The following PRICKLE2 variants were observed in gnomAD, a reference collection of about 807,000 sequenced individuals.
PRICKLE2 encodes prickle planar cell polarity protein 2.
A neutral mutation model predicts 81.4 loss-of-function variants in PRICKLE2; 21 were observed. The observed-to-expected ratio is 0.26, with a 90% CI of 0.18 to 0.37. The LOEUF (loss-of-function observed/expected upper bound fraction) is 0.37. PRICKLE2 is among the 10% of genes least tolerant of loss of function. The pLI is 1.00. For missense variants in PRICKLE2, 940 were observed against 1,109.0 expected, an observed-to-expected ratio of 0.85 and a Z score of 2.16; for synonymous variants, 456 against 421.5, an observed-to-expected ratio of 1.08 and a Z score of -1.00.
intron 2 of PRICKLE2, among the ~76,000 whole-genome samples, chr3:64,176,913 C>T (rs539971694): frequency 3.3e-5 from 5 of 152,066 alleles, no homozygotes; most frequent in African/African-American, 7.2e-5. Context: ...TCTTGGCCTG[C>T]GGGTTATAGT....
At chr3:64,155,232 C>T (rs192008274) in intron 5 of PRICKLE2, among the ~76,000 whole-genome samples, 3 of 140,992 alleles carry the variant, frequency 2.1e-5, no homozygotes, top group African/African-American at 7.8e-5. Flanking sequence ...TTTTTTCAGA[C>T]ATTTCTCTGA....
chr3:64,183,746 A>T (rs11914551), intron 2 of PRICKLE2, among the ~76,000 whole-genome samples: 6,369 of 152,296 alleles, frequency 0.042, 429 homozygotes, highest in African/African-American at 0.14. Flanking sequence ...CATCTTTACA[A>T]TCCAAATGGG....
chr3:64,259,549 T>C (rs2107188342), intron 2 of PRICKLE2, among the ~76,000 whole-genome samples: 1 of 152,340 alleles, frequency 6.6e-6, no homozygotes, highest in East Asian at 1.9e-4. Flanking sequence ...TATATGTCCA[T>C]GTCCTGATCC....
At chr3:64,240,697 G>A (rs6788403) in intron 2 of PRICKLE2, among the ~76,000 whole-genome samples, 1,856 of 152,286 alleles carry the variant, frequency 0.012, 28 homozygotes, top group African/African-American at 0.041. Flanking sequence ...TCCTGGACCA[G>A]CAGCCTCAGT....
chr3:64,246,794 G>T (rs980732309), intron 2 of PRICKLE2, among the ~76,000 whole-genome samples: 7 of 152,170 alleles, frequency 4.6e-5, no homozygotes, highest in African/African-American at 1.4e-4. Flanking sequence ...ACAGCCAAAG[G>T]TTTTACTTTC....
chr3:64,247,403 A>T (rs922758779), intron 2 of PRICKLE2, among the ~76,000 whole-genome samples: 5 of 152,150 alleles, frequency 3.3e-5, no homozygotes, highest in South Asian at 2.1e-4. Context: ...AAGTATTCTG[A>T]TCTTAAAAGA....
chr3:64,201,226 G>A (rs1353229330), intron 1 of PRICKLE2, among the ~76,000 whole-genome samples: 2 of 152,144 alleles, frequency 1.3e-5, no homozygotes, highest in Non-Finnish European at 2.9e-5. Flanking sequence ...ACCACGCCTG[G>A]CCAAAGTTTT....
At chr3:64,139,769 T>C (rs1422680210) in intron 7 of PRICKLE2, among the ~76,000 whole-genome samples, 1 of 152,196 alleles carries the variant, frequency 6.6e-6, no homozygotes, top group Non-Finnish European at 1.5e-5. Flanking sequence ...CACCCAGCCA[T>C]AGGACCTTCT....
At chr3:64,258,979 C>T (rs2079575785) in intron 2 of PRICKLE2, among the ~76,000 whole-genome samples, 2 of 151,842 alleles carry the variant, frequency 1.3e-5, no homozygotes, top group South Asian at 4.2e-4. Flanking sequence ...ATTCTGTGTG[C>T]TGGTAACACT....
chr3:64,191,189 T>C (rs900749132), intron 2 of PRICKLE2, among the ~76,000 whole-genome samples: 1 of 152,186 alleles, frequency 6.6e-6, no homozygotes, highest in Non-Finnish European at 1.5e-5. Flanking sequence ...CTAGGATTGC[T>C]ACAAACCCTA....
At position 64,147,239 on chromosome 3, in the gene PRICKLE2, C is replaced by G; in HGVS notation, c.1251G>C (p.Gln417His). The change falls in exon 7 of 8, where the codon CAG becomes CAC. Residue 417 changes from glutamine to histidine, a missense_variant. By Grantham distance (24) the Gln-to-His change is conservative (BLOSUM62 0). This residue lies in a region of PRICKLE2 where 670 missense variants were observed against 717.2 expected (regional missense o/e 0.93). Coordinates refer to ENST00000638394, the MANE Select transcript of PRICKLE2 (RefSeq NM_198859.4). This position sits in a 1 kb window ranked among gnomAD's most constrained non-coding sequence, Gnocchi z 5.0. ...MEQNQTQSPL[Q>H]LLSQCNIRTS... ...TTCTGATGTTGCACTGGCTGAGGAG[C>G]TGCAGAGGGCTCTGGGTCTGGTTCT... is the stretch of plus-strand genomic sequence containing the variant. 6.2e-7 allele frequency: 1 copy of G among 1,608,710 alleles called. No homozygotes were observed. Among genetic ancestry groups the G allele is most frequent in the Non-Finnish European group, 8.5e-7 (1 of 1,176,618 alleles).
intron 7 of PRICKLE2, among the ~76,000 whole-genome samples, chr3:64,117,134 T>C (rs1056954593): frequency 2.0e-5 from 3 of 152,226 alleles, no homozygotes; most frequent in Non-Finnish European, 4.4e-5. Flanking sequence ...GAAAAGGATT[T>C]TGATAAAATT....
intron 2 of PRICKLE2, among the ~76,000 whole-genome samples, chr3:64,189,993 G>A (rs2078303241): frequency 6.6e-6 from 1 of 152,112 alleles, no homozygotes; most frequent in South Asian, 2.1e-4. Context: ...GGCAAGCACC[G>A]AGCACTGCAT....
At chr3:64,146,642 C>T (rs938402808) in intron 7 of PRICKLE2, 188 bp downstream of exon 7, 26 of 618,740 alleles carry the variant, frequency 4.2e-5, no homozygotes, top group Non-Finnish European at 5.8e-5. Flanking sequence ...ACTCGTGAGG[C>T]TGAGGCAGGA....
chr3:64,217,270 T>C (rs1055286432), intron 1 of PRICKLE2, among the ~76,000 whole-genome samples: 3 of 152,144 alleles, frequency 2.0e-5, no homozygotes, highest in Non-Finnish European at 1.5e-5. Context: ...AAAGGATGTA[T>C]ATTACAGAGA....
intron 2 of PRICKLE2, among the ~76,000 whole-genome samples, chr3:64,233,333 T>C (rs1202571809): frequency 1.3e-5 from 2 of 152,262 alleles, no homozygotes; most frequent in East Asian, 3.9e-4. Context: ...CATTGCAGCA[T>C]GCCATGCTTC....
At chr3:64,239,907 G>C (rs1309852306) in intron 2 of PRICKLE2, among the ~76,000 whole-genome samples, 1 of 138,234 alleles carries the variant, frequency 7.2e-6, no homozygotes, top group African/African-American at 2.8e-5. Context: ...TTGAGCCCAG[G>C]AGTTTGAGAC....
At chr3:64,164,026 A>T (rs1049951186) in intron 2 of PRICKLE2, 15 of 152,194 alleles carry the variant, frequency 9.9e-5, no homozygotes, top group African/African-American at 3.6e-4. Context: ...CCTCTTGCGA[A>T]ACAAGGCATT....
intron 7 of PRICKLE2, among the ~76,000 whole-genome samples, chr3:64,131,169 G>A (rs574935097): frequency 6.6e-6 from 1 of 152,252 alleles, no homozygotes; most frequent in East Asian, 1.9e-4. Flanking sequence ...AGCCTATTTG[G>A]CCTCATCTGT....
Sources: gnomAD v4.1 joint callset for allele counts (sites outside exome capture counted in the v4.1 genomes callset) on GRCh38, gnomAD v4.1.1 for gene constraint, gnomAD v4.1.1 regional missense constraint, Gnocchi (gnomAD v3.1) non-coding constraint, MANE v1.5 for transcripts, NCBI Gene and HGNC (gene_info 2026-07-23, HGNC 2026-07-21) for gene names.